GRAMD2B: variants seen among roughly 807,000 people sequenced by gnomAD.
The protein encoded by GRAMD2B is GRAM domain containing 2B.
GRAMD2B carries 41 observed loss-of-function variants against 59.2 expected under a neutral mutation model. The ratio of observed to expected loss-of-function variants is 0.69; its 90% confidence interval spans 0.54 to 0.90. GRAMD2B has a LOEUF of 0.90. GRAMD2B is among the 40% of genes least tolerant of loss of function. GRAMD2B has a pLI of 0.00. For missense variants in GRAMD2B, 424 were observed against 500.5 expected, an observed-to-expected ratio of 0.85 and a Z score of 1.46; for synonymous variants, 161 against 182.7, an observed-to-expected ratio of 0.88 and a Z score of 0.96.
chr5:126,399,070 T>C (rs993766169), intron 1 of GRAMD2B, among the ~76,000 whole-genome samples: 2 of 152,212 alleles, frequency 1.3e-5, no homozygotes, highest in African/African-American at 4.8e-5. Context: ...AGTATTCTGG[T>C]ACTGTTGAGT....
At chr5:126,415,847 C>G (rs1030602656) in intron 1 of GRAMD2B, among the ~76,000 whole-genome samples, 1 of 151,906 alleles carries the variant, frequency 6.6e-6, no homozygotes, top group African/African-American at 2.4e-5. Flanking sequence ...TTTAAAAAGA[C>G]GAAAAGTCAG....
intron 1 of GRAMD2B, among the ~76,000 whole-genome samples, chr5:126,424,149 G>A (rs1285854563): frequency 6.6e-6 from 1 of 152,170 alleles, no homozygotes; most frequent in Non-Finnish European, 1.5e-5. Context: ...GGGGATGGGG[G>A]AGGCACAAAT....
At chr5:126,482,395 A>G (rs1034186789) in intron 8 of GRAMD2B, among the ~76,000 whole-genome samples, 20 of 152,334 alleles carry the variant, frequency 1.3e-4, no homozygotes, top group Admixed American at 6.5e-4. Context: ...TACAGAATAT[A>G]ATGTAACACA....
upstream of GRAMD2B, among the ~76,000 whole-genome samples, chr5:126,419,063 A>G (rs1301636561): frequency 3.3e-5 from 5 of 152,232 alleles, no homozygotes; most frequent in Non-Finnish European, 7.3e-5. Flanking sequence ...TATATTGGTT[A>G]ATAAATACCC....
chr5:126,466,481 A>G, intron 2 of GRAMD2B: 1 of 637,366 alleles, frequency 1.6e-6, no homozygotes, highest in Non-Finnish European at 2.8e-6. Flanking sequence ...GCTGGAGTGC[A>G]GTGGCACATT....
At chr5:126,366,265 C>T (rs1272917005) in intron 1 of GRAMD2B, among the ~76,000 whole-genome samples, 1 of 152,212 alleles carries the variant, frequency 6.6e-6, no homozygotes, top group Admixed American at 6.5e-5. Flanking sequence ...ATATTCCAAG[C>T]TGCTTGGCAA....
intron 13 of GRAMD2B, among the ~76,000 whole-genome samples, chr5:126,491,996 G>C (rs1253341219): frequency 2.0e-5 from 3 of 152,114 alleles, no homozygotes. Context: ...TCCTCCCAAA[G>C]TGCTGGGATT....
intron 1 of GRAMD2B, among the ~76,000 whole-genome samples, chr5:126,392,813 C>A (rs972827142): frequency 6.6e-5 from 10 of 152,116 alleles, no homozygotes; most frequent in Non-Finnish European, 1.0e-4. Context: ...GGAGCACTGA[C>A]CCTAGATCTC....
intron 1 of GRAMD2B, among the ~76,000 whole-genome samples, chr5:126,402,934 C>T (rs1439429370): frequency 6.6e-6 from 1 of 151,848 alleles, no homozygotes; most frequent in Non-Finnish European, 1.5e-5. Flanking sequence ...TCCATAGGGG[C>T]TGAGATAATT....
intron 1 of GRAMD2B, among the ~76,000 whole-genome samples, chr5:126,433,294 A>G (rs1761880347): frequency 1.3e-5 from 2 of 152,202 alleles, no homozygotes; most frequent in African/African-American, 4.8e-5. Flanking sequence ...CCCAAGTCAT[A>G]ACAGCTGTTA....
chr5:126,372,688 G>A (rs1472455205), intron 1 of GRAMD2B, among the ~76,000 whole-genome samples: 1 of 152,060 alleles, frequency 6.6e-6, no homozygotes, highest in Non-Finnish European at 1.5e-5. Context: ...ATTAGTAGTT[G>A]AGCAAGGGTA....
chr5:126,374,291 G>T (rs1755004235), intron 1 of GRAMD2B, among the ~76,000 whole-genome samples: 1 of 151,926 alleles, frequency 6.6e-6, no homozygotes, highest in Non-Finnish European at 1.5e-5. Flanking sequence ...ACTCAATGTG[G>T]GTTTAATATA....
chr5:126,433,364 A>G (rs1467806644), intron 1 of GRAMD2B: 5 of 152,196 alleles, frequency 3.3e-5, no homozygotes, highest in African/African-American at 1.2e-4. Context: ...TCCTAAAATC[A>G]CTGATTATAC....
chr5:126,417,050 T>G (rs746059528), intron 1 of GRAMD2B, among the ~76,000 whole-genome samples: 2 of 152,216 alleles, frequency 1.3e-5, no homozygotes, highest in African/African-American at 2.4e-5. Context: ...GTTAGAAATG[T>G]CCATTTACCC....
At chr5:126,442,050 T>C (rs988439979) in intron 1 of GRAMD2B, among the ~76,000 whole-genome samples, 1 of 151,918 alleles carries the variant, frequency 6.6e-6, no homozygotes, top group African/African-American at 2.4e-5. Flanking sequence ...AGTCTCACAA[T>C]GTCCTAAGAA....
In GRAMD2B at chr5:126,483,446, T is replaced by A; in HGVS notation, c.736-17T>A. 1.3e-6 allele frequency: 2 copies of A among 1,511,288 alleles called. No individual in the cohort carries two copies. The highest frequency in any genetic ancestry group is 1.8e-6 in the Non-Finnish European group (2 of 1,086,894). The allele number at this position is 1,511,288 out of a possible 1,614,324, so 93.6% of individuals were successfully genotyped here. On this transcript the variant is annotated splice_polypyrimidine_tract_variant and intron_variant, in intron 8 of 13. Transcript: ENST00000285689. Reference sequence around the variant, plus strand: ...AAGGGAATATCAGCCTGTCTTCATTTCACTGTTTCCTTTCAGGATTTCAAT... The same window carrying A: ...AAGGGAATATCAGCCTGTCTTCATTACACTGTTTCCTTTCAGGATTTCAAT...
intron 2 of GRAMD2B, 76 bp from the exon 3 acceptor site, chr5:126,469,601 C>T (rs1769154800): frequency 2.1e-6 from 2 of 959,438 alleles, no homozygotes; most frequent in Admixed American, 1.9e-5. Flanking sequence ...TGCTGCTGCA[C>T]TTCAGCCTGG....
intron 1 of GRAMD2B, among the ~76,000 whole-genome samples, chr5:126,391,502 C>T (rs932508036): frequency 6.6e-6 from 1 of 151,672 alleles, no homozygotes; most frequent in African/African-American, 2.4e-5. Context: ...ATATCCACAG[C>T]AGTATTATTT....
At chr5:126,395,870 G>T (rs116036304) in intron 1 of GRAMD2B, among the ~76,000 whole-genome samples, 2,437 of 152,190 alleles carry the variant, frequency 0.016, 66 homozygotes, top group African/African-American at 0.056. Flanking sequence ...GTGATGTTTT[G>T]ATATACACAT....
Sources: allele counts gnomAD v4.1 joint callset (sites outside exome capture counted in the v4.1 genomes callset), GRCh38; gene constraint gnomAD v4.1.1; transcripts MANE v1.5; gene names NCBI Gene and HGNC (gene_info 2026-07-23, HGNC 2026-07-21).